TUBGCP2: variants seen among roughly 807,000 people sequenced by gnomAD.
The protein encoded by TUBGCP2 is tubulin gamma complex component 2, also known as gamma-tubulin complex component 2.
In TUBGCP2, 55 loss-of-function variants were observed where a neutral mutation model predicts 92.2. The observed-to-expected ratio is 0.60, with a 90% CI of 0.48 to 0.75. The LOEUF is 0.75. Among genes scored for constraint, TUBGCP2 ranks in the 30% least tolerant of loss-of-function variants. TUBGCP2 has a pLI of 0.00. For synonymous variants in TUBGCP2, 533 were observed against 505.2 expected (o/e 1.06, Z -0.74); for missense variants, 1,093 against 1,188.9 (o/e 0.92, Z 1.19).
intron 1 of TUBGCP2, among the ~76,000 whole-genome samples, chr10:133,305,089 T>C (rs1314724524): frequency 6.6e-6 from 1 of 152,060 alleles, no homozygotes; most frequent in African/African-American, 2.4e-5. Context: ...CTGACATCAG[T>C]CAGGCCCGCC....
chr10:133,286,584 G>A (rs1457753278), intron 11 of TUBGCP2, among the ~76,000 whole-genome samples: 1 of 151,676 alleles, frequency 6.6e-6, no homozygotes, highest in South Asian at 2.1e-4. Flanking sequence ...CCTCCCGCGC[G>A]CACGGAACCG....
chr10:133,281,466 T>G, intron 16 of TUBGCP2, 30 bp from the exon 17 acceptor site: 11 of 1,604,608 alleles, frequency 6.9e-6, no homozygotes, highest in Non-Finnish European at 9.3e-6. Context: ...GCGTGAGCCA[T>G]GCCCACCCCC....
At chr10:133,286,880 G>A (rs564034474) in intron 11 of TUBGCP2, among the ~76,000 whole-genome samples, 2 of 152,256 alleles carry the variant, frequency 1.3e-5, no homozygotes, top group Admixed American at 1.3e-4. Context: ...CACTCGGAGG[G>A]ATGTTTACAG....
At chr10:133,294,474 A>C (rs1023462151) in intron 5 of TUBGCP2, among the ~76,000 whole-genome samples, 1 of 152,230 alleles carries the variant, frequency 6.6e-6, no homozygotes, top group African/African-American at 2.4e-5. Context: ...CTTTCGGTTT[A>C]CAAAATCACT....
chr10:133,310,517 C>T (rs1267939761), upstream of TUBGCP2: 17 of 566,840 alleles, frequency 3.0e-5, no homozygotes, highest in East Asian at 9.3e-5. Flanking sequence ...AGCTCTGTGC[C>T]GGTGGAGGCA....
chr10:133,303,163 G>T (rs1424569247), intron 1 of TUBGCP2, among the ~76,000 whole-genome samples, 183 bp from the exon 2 acceptor site: 2 of 152,062 alleles, frequency 1.3e-5, no homozygotes, highest in Non-Finnish European at 2.9e-5. Flanking sequence ...CATGGGCCTG[G>T]GATTAGGGCC....
At chr10:133,286,015 T>A (rs1847127076) in intron 11 of TUBGCP2, among the ~76,000 whole-genome samples, 1 of 152,128 alleles carries the variant, frequency 6.6e-6, no homozygotes. Context: ...ATAGTTATTA[T>A]AAGCAAGTAA....
upstream of TUBGCP2, chr10:133,312,173 C>A: frequency 1.4e-6 from 2 of 1,416,626 alleles, no homozygotes; most frequent in South Asian, 3.1e-5. Flanking sequence ...TCACCTGTGC[C>A]GTCTGCGTTT....
At chr10:133,312,240 A>G, upstream of TUBGCP2, 2 of 1,360,540 alleles carry the variant, frequency 1.5e-6, no homozygotes, top group Non-Finnish European at 1.9e-6. Context: ...CTGCCTTCCT[A>G]GCATGACCTG....
upstream of TUBGCP2, chr10:133,309,201 G>GGGGCC: frequency 2.2e-6 from 3 of 1,369,446 alleles, no homozygotes; most frequent in Non-Finnish European, 9.6e-7. Context: ...ACTGCGGGGC[G>GGGGCC]GGGCCGGAGC....
At chr10:133,303,119 C>A (rs1026403158) in intron 1 of TUBGCP2, 139 bp from the exon 2 acceptor site, 2 of 762,636 alleles carry the variant, frequency 2.6e-6, no homozygotes, top group Non-Finnish European at 4.2e-6. Flanking sequence ...GGCCCCTCCC[C>A]CAACAGCCCA....
At chr10:133,309,804 G>A (rs960232602), upstream of TUBGCP2, 2 of 1,613,290 alleles carry the variant, frequency 1.2e-6, no homozygotes, top group Admixed American at 1.7e-5. Context: ...CCAGGTGGCC[G>A]GCTGCTGCCA....
At position 133,299,525 on chromosome 10, in the gene TUBGCP2, T is replaced by C; in HGVS notation, c.358A>G (p.Ile120Val). Residue 120 changes from isoleucine (I) to valine (V), a missense_variant, in exon 4 of 18, where the codon ATC becomes GTC. Transcript: ENST00000252936. ...TTGGAGGCCGCGGCAGGGACGTTGA[T>C]GCTGGTGGTACTGCTGCCCACAGCA... ...AAAVGSSTTS[I>V]NVPAAASKIS... 1 of 1,613,946 alleles carries C rather than the reference T, an allele frequency of 6.2e-7. No homozygotes were observed. Among genetic ancestry groups the C allele is most frequent in the South Asian group, 1.1e-5 (1 of 91,080 alleles).
At chr10:133,288,575 C>T (rs116692613) in intron 10 of TUBGCP2, among the ~76,000 whole-genome samples, 1,698 of 152,352 alleles carry the variant, frequency 0.011, 41 homozygotes, top group African/African-American at 0.038. Flanking sequence ...GCAACCACCA[C>T]GCAAGCTGTG....
At chr10:133,292,759 G>C in intron 7 of TUBGCP2, 71 bp from the exon 8 acceptor site, 2 of 1,522,114 alleles carry the variant, frequency 1.3e-6, no homozygotes, top group Non-Finnish European at 1.8e-6. Context: ...AACACTGCTG[G>C]GGCCCCTCAT....
At chr10:133,310,977 T>C (rs1847978546), upstream of TUBGCP2, among the ~76,000 whole-genome samples, 1 of 152,168 alleles carries the variant, frequency 6.6e-6, no homozygotes, top group South Asian at 2.1e-4. Context: ...AAATTTTCTA[T>C]TTTTTGTAGA....
intron 1 of TUBGCP2, among the ~76,000 whole-genome samples, chr10:133,304,050 T>A (rs562115100): frequency 6.6e-6 from 1 of 152,214 alleles, no homozygotes; most frequent in Admixed American, 6.5e-5. Flanking sequence ...GACAAACACA[T>A]GGCTGTGTGC....
Position 133,299,554 on chromosome 10 carries a change from G to A in TUBGCP2, c.329C>T (p.Ala110Val). 3 of 1,613,608 alleles carry A rather than the reference G, an allele frequency of 1.9e-6. No homozygotes were observed. Among genetic ancestry groups the A allele is most frequent in the East Asian group, 4.5e-5 (2 of 44,870 alleles). ...QNAKERAELAAAAVGSSTTSI... is the reference protein window; with the variant it reads ...QNAKERAELAVAAVGSSTTSI... ...GGTGGTACTGCTGCCCACAGCAGCG[G>A]CTGCAAGCTCAGCTCTTTCTTTTGC... is the stretch of plus-strand genomic sequence containing the variant. The change falls in exon 4 of 18, where the codon GCC becomes GTC. Residue 110 changes from alanine (A) to valine (V), a missense_variant. This residue lies in a region of TUBGCP2 where 490 missense variants were observed against 488.5 expected (regional missense o/e 1.00). Coordinates refer to ENST00000252936, the MANE Select transcript of TUBGCP2 (RefSeq NM_006659.4).
At chr10:133,284,358 T>C (rs978373061) in intron 13 of TUBGCP2, among the ~76,000 whole-genome samples, 6 of 151,156 alleles carry the variant, frequency 4.0e-5, no homozygotes, top group African/African-American at 1.5e-4. Flanking sequence ...GAGTTCTTTT[T>C]CTTCTAATTT....
Sources: allele counts gnomAD v4.1 joint callset (sites outside exome capture counted in the v4.1 genomes callset), GRCh38; gene constraint gnomAD v4.1.1; regional missense constraint gnomAD v4.1.1; transcripts MANE v1.5; gene names NCBI Gene and HGNC (gene_info 2026-07-23, HGNC 2026-07-21).